ORMDL1: variants seen among roughly 807,000 people sequenced by gnomAD.
The protein encoded by ORMDL1 is ORMDL sphingolipid biosynthesis regulator 1.
In ORMDL1, 10 loss-of-function variants were observed where a neutral mutation model predicts 13.0. The observed-to-expected ratio is 0.77, with a 90% CI of 0.47 to 1.30. The LOEUF (loss-of-function observed/expected upper bound fraction) is 1.30, where lower values mean the gene tolerates loss of function less well. Among genes scored for constraint, ORMDL1 ranks in the 50% most tolerant of loss-of-function variants. ORMDL1 has a pLI of 0.00. For synonymous variants in ORMDL1, 61 were observed against 63.9 expected (o/e 0.95, Z 0.22); for missense variants, 171 against 186.7 (o/e 0.92, Z 0.49).
At chr2:189,769,617 A>G (rs1181701065), downstream of ORMDL1, among the ~76,000 whole-genome samples, 1 of 152,202 alleles carries the variant, frequency 6.6e-6, no homozygotes, top group African/African-American at 2.4e-5. Context: ...AAGAGCTCCT[A>G]ATGGTCAAAG....
downstream of ORMDL1, among the ~76,000 whole-genome samples, chr2:189,766,187 A>G (rs1432151783): frequency 6.6e-6 from 1 of 152,118 alleles, no homozygotes; most frequent in African/African-American, 2.4e-5. Flanking sequence ...ACGTTCTTTC[A>G]TTAGTGGTAA....
chr2:189,782,433 T>C lies in ORMDL1; in HGVS notation c.163A>G (p.Ile55Val). The change falls in exon 3 of 5, where the codon ATA becomes GTA. Residue 55 changes from isoleucine to valine, a missense_variant. Transcript: ENST00000392349. ...TGTGAAATTCTTACCAGATTATGTA[T>C]AATATTTGTTAAAGTCCAAGCAACA... ...VPVAWTLTNI[I>V]HNLGMYVFLH... The C allele has an allele frequency of 2.5e-6, 4 of 1,613,208 alleles. No individual in the cohort carries two copies. Among genetic ancestry groups the C allele is most frequent in the Non-Finnish European group, 3.4e-6 (4 of 1,179,294 alleles).
chr2:189,767,048 T>C (rs1317846150), downstream of ORMDL1, among the ~76,000 whole-genome samples: 2 of 152,274 alleles, frequency 1.3e-5, no homozygotes, highest in African/African-American at 4.8e-5. Context: ...CTATTGTGAA[T>C]GCTGCTGCTG....
chr2:189,772,767 C>T (rs1288548343), intron 4 of ORMDL1, among the ~76,000 whole-genome samples: 1 of 152,162 alleles, frequency 6.6e-6, no homozygotes, highest in Non-Finnish European at 1.5e-5. Context: ...TTCTAATAGC[C>T]TTTACTGACA....
chr2:189,782,862 T>A, intron 2 of ORMDL1, 152 bp downstream of exon 2: 1 of 339,016 alleles, frequency 2.9e-6, no homozygotes. Flanking sequence ...TTTCCAAAAG[T>A]TTGTTTTCTA....
intron 4 of ORMDL1, 59 bp downstream of exon 4, chr2:189,775,506 T>C: frequency 1.4e-6 from 2 of 1,472,156 alleles, no homozygotes; most frequent in Non-Finnish European, 1.8e-6. Context: ...TTCAATCTGA[T>C]GAAAAGATAT....
chr2:189,779,178 T>C (rs2047767193), intron 3 of ORMDL1, among the ~76,000 whole-genome samples: 1 of 152,086 alleles, frequency 6.6e-6, no homozygotes. Context: ...ACCCTGTCTC[T>C]GTAAGAAAAA....
chr2:189,783,313 G>A (rs949519317), intron 1 of ORMDL1, 190 bp from the exon 2 acceptor site: 1 of 152,138 alleles, frequency 6.6e-6, no homozygotes, highest in African/African-American at 2.4e-5. Flanking sequence ...GGACTCCAAA[G>A]GAAGAATTGA....
At chr2:189,774,603 T>C (rs1376640600) in intron 4 of ORMDL1, 1 of 152,228 alleles carries the variant, frequency 6.6e-6, no homozygotes, top group African/African-American at 2.4e-5. Flanking sequence ...TTAAGATATA[T>C]GAGCAATACC....
At chr2:189,778,792 C>T (rs7592066) in intron 3 of ORMDL1, among the ~76,000 whole-genome samples, 88,607 of 151,740 alleles carry the variant, frequency 0.58, 29,797 homozygotes, top group South Asian at 0.76. Flanking sequence ...CTGTTCAGGA[C>T]GCTGAGGCAG....
chr2:189,774,185 T>C (rs2047643307), intron 4 of ORMDL1, among the ~76,000 whole-genome samples: 2 of 152,180 alleles, frequency 1.3e-5, no homozygotes, highest in Admixed American at 1.3e-4. Context: ...ATAAATCGGG[T>C]CTTGCTCTGT....
At chr2:189,765,839 A>AT (rs72132150), downstream of ORMDL1, among the ~76,000 whole-genome samples, 60,741 of 106,866 alleles carry the variant, frequency 0.57, 19,951 homozygotes, top group South Asian at 0.7. Context: ...TACTTTCTCC[A>AT]TTTTTTTTTT....
intron 1 of ORMDL1, 113 bp from the exon 2 acceptor site, chr2:189,783,236 A>G (rs1258737751): frequency 6.6e-6 from 1 of 152,346 alleles, no homozygotes; most frequent in East Asian, 1.9e-4. Flanking sequence ...TCTCTAGTCA[A>G]ATCAAAAACT....
At chr2:189,775,517 C>G in intron 4 of ORMDL1, 48 bp downstream of exon 4, 1 of 1,487,632 alleles carries the variant, frequency 6.7e-7, no homozygotes, top group Non-Finnish European at 9.0e-7. Flanking sequence ...GAAAAGATAT[C>G]TTCCTCTTAT....
chr2:189,780,488 G>A (rs1215049296), intron 3 of ORMDL1, among the ~76,000 whole-genome samples: 1 of 99,644 alleles, frequency 1.0e-5, no homozygotes, highest in Non-Finnish European at 2.0e-5. Context: ...TTGGTTTAAG[G>A]TGCAAAGTAA....
chr2:189,775,552 T>C lies in ORMDL1; in HGVS notation c.326+13A>G. On this transcript the variant is annotated intron_variant, in intron 4 of 4. Coordinates refer to ENST00000392349, the MANE Select transcript of ORMDL1 (RefSeq NM_016467.5). ...TCCAATCCTCCTCATACCTAAAAAT[T>C]TCTGCCACTTACAGAATTATTGGAG... The C allele has an allele frequency of 1.3e-6, 2 of 1,589,856 alleles. No individual in the cohort carries two copies. The highest frequency in any genetic ancestry group is 1.7e-6 in the Non-Finnish European group (2 of 1,168,698).
intron 4 of ORMDL1, among the ~76,000 whole-genome samples, chr2:189,773,270 GCAAAACCCAGGT>G (rs1272072763): frequency 6.6e-6 from 1 of 152,164 alleles, no homozygotes; most frequent in Non-Finnish European, 1.5e-5. Context: ...CTGATGGTAT[GCAAAACCCAGGT>G]GGGACTCAGT....
chr2:189,770,818 A>G lies in ORMDL1; in HGVS notation c.*949T>C, dbSNP rs1407112981. 1 of 151,788 alleles carries G rather than the reference A, an allele frequency of 6.6e-6. No individual in the cohort carries two copies. Among genetic ancestry groups the G allele is most frequent in the Non-Finnish European group, 1.5e-5 (1 of 67,922 alleles). The allele number at this position is 151,788 out of a possible 1,614,324, so 9.4% of individuals were successfully genotyped here. On this transcript the variant is annotated 3_prime_UTR_variant, in exon 5 of 5. Coordinates refer to ENST00000392349, the MANE Select transcript of ORMDL1 (RefSeq NM_016467.5). ...TGTTATCTTTTACTGCAGACCTGCCAAAAAAAAGACTCCATTACTTACTTT... is the reference window on the plus strand; with the variant it reads ...TGTTATCTTTTACTGCAGACCTGCCGAAAAAAAGACTCCATTACTTACTTT...
chr2:189,770,621 T>C lies in ORMDL1; in HGVS notation c.*1146A>G, dbSNP rs1388196366. 6.6e-6 allele frequency: 1 copy of C among 152,206 alleles called. No homozygotes were observed. The highest frequency in any genetic ancestry group is 2.4e-5 in the African/African-American group (1 of 41,448). The allele number at this position is 152,206 out of a possible 1,614,324, so 9.4% of individuals were successfully genotyped here. On this transcript the variant is annotated 3_prime_UTR_variant, in exon 5 of 5. Transcript: ENST00000392349. ...CATGTTTACTTCTCAAAGTAGTATA[T>C]AGTTATTTCTTGCAATTAATGTCAG...
Sources: gnomAD v4.1 joint callset for allele counts (sites outside exome capture counted in the v4.1 genomes callset) on GRCh38, gnomAD v4.1.1 for gene constraint, MANE v1.5 for transcripts, NCBI Gene and HGNC (gene_info 2026-07-23, HGNC 2026-07-21) for gene names.